PDE7B: variants seen among roughly 807,000 people sequenced by gnomAD.
The protein encoded by PDE7B is phosphodiesterase 7B.
In PDE7B, 29 loss-of-function variants were observed where a neutral mutation model predicts 56.2. The ratio of observed to expected loss-of-function variants is 0.52; its 90% confidence interval spans 0.38 to 0.70. The LOEUF (loss-of-function observed/expected upper bound fraction) is 0.70. Among genes scored for constraint, PDE7B ranks in the 30% least tolerant of loss-of-function variants. PDE7B has a pLI of 0.00. For synonymous variants in PDE7B, 197 were observed against 196.9 expected (o/e 1.00, Z 0.00); for missense variants, 490 against 565.0 (o/e 0.87, Z 1.35).
At chr6:136,018,299 C>A (rs1159868856) in intron 2 of PDE7B, among the ~76,000 whole-genome samples, 1 of 152,184 alleles carries the variant, frequency 6.6e-6, no homozygotes, top group Non-Finnish European at 1.5e-5. Context: ...CATCTTTGGG[C>A]AGCCCATAAA....
At chr6:136,163,931 T>C (rs747926910) in intron 8 of PDE7B, among the ~76,000 whole-genome samples, 2 of 152,224 alleles carry the variant, frequency 1.3e-5, no homozygotes, top group African/African-American at 4.8e-5. Context: ...AACAAGTCTC[T>C]AGGAAGTTCC....
At chr6:136,154,479 A>G (rs1200654094) in intron 7 of PDE7B, among the ~76,000 whole-genome samples, 1 of 151,920 alleles carries the variant, frequency 6.6e-6, no homozygotes, top group African/African-American at 2.4e-5. Context: ...TCAACAGTCC[A>G]TAGAACTAGC....
chr6:135,929,723 G>A (rs1422840558), intron 1 of PDE7B, among the ~76,000 whole-genome samples: 3 of 152,144 alleles, frequency 2.0e-5, no homozygotes, highest in Non-Finnish European at 2.9e-5. Flanking sequence ...TTCCATCTGT[G>A]TGATTGATGC....
chr6:136,072,924 C>T (rs1483501218), intron 2 of PDE7B: 1 of 152,184 alleles, frequency 6.6e-6, no homozygotes, highest in Non-Finnish European at 1.5e-5. Context: ...TAAAGCTAGC[C>T]ATGTGGTTTT....
At chr6:136,159,664 T>C (rs1254884071) in intron 8 of PDE7B, among the ~76,000 whole-genome samples, 2 of 152,168 alleles carry the variant, frequency 1.3e-5, no homozygotes, top group Admixed American at 6.5e-5. Flanking sequence ...TCTCCTAAAG[T>C]CTTGCACCTT....
intron 2 of PDE7B, among the ~76,000 whole-genome samples, chr6:136,085,979 C>T (rs1269239199): frequency 6.6e-6 from 1 of 152,138 alleles, no homozygotes; most frequent in Non-Finnish European, 1.5e-5. Flanking sequence ...AATGTTTGCC[C>T]ATCATACTCT....
chr6:135,918,017 C>T (rs555470317), intron 1 of PDE7B, among the ~76,000 whole-genome samples: 16 of 152,282 alleles, frequency 1.1e-4, no homozygotes, highest in Non-Finnish European at 2.1e-4. Context: ...TGTAGTTTTT[C>T]CCTGGACATG....
At chr6:136,063,299 G>A (rs1000125200) in intron 2 of PDE7B, among the ~76,000 whole-genome samples, 1 of 152,220 alleles carries the variant, frequency 6.6e-6, no homozygotes, top group African/African-American at 2.4e-5. Context: ...CTCTGGCTCA[G>A]TGGCTGATAA....
chr6:136,022,198 T>G (rs1197758195), intron 2 of PDE7B, among the ~76,000 whole-genome samples: 1 of 152,228 alleles, frequency 6.6e-6, no homozygotes, highest in Non-Finnish European at 1.5e-5. Flanking sequence ...TAAATTAGTT[T>G]CTTAGCCACT....
At chr6:135,962,882 T>G (rs1437266139) in intron 2 of PDE7B, among the ~76,000 whole-genome samples, 1 of 152,152 alleles carries the variant, frequency 6.6e-6, no homozygotes, top group Non-Finnish European at 1.5e-5. Context: ...GTATCATAGA[T>G]CAACATGCCA....
At chr6:136,126,616 T>C (rs1778026807) in intron 3 of PDE7B, among the ~76,000 whole-genome samples, 1 of 152,210 alleles carries the variant, frequency 6.6e-6, no homozygotes, top group Non-Finnish European at 1.5e-5. Context: ...GGAATACCAC[T>C]CAGCCATAAA....
chr6:136,148,171 T>A, intron 4 of PDE7B, among the ~76,000 whole-genome samples: 1 of 152,068 alleles, frequency 6.6e-6, no homozygotes, highest in South Asian at 2.1e-4. Flanking sequence ...TAAGTGATAT[T>A]ATACTATTTA....
At chr6:136,125,363 C>A (rs1583894319) in intron 3 of PDE7B, among the ~76,000 whole-genome samples, 1 of 151,950 alleles carries the variant, frequency 6.6e-6, no homozygotes, top group South Asian at 2.1e-4. Context: ...CGCTTGAGGG[C>A]AGGAGTTTGA....
chr6:136,096,774 T>C lies in PDE7B; in HGVS notation c.83-11957T>C, dbSNP rs538557289. Among the ~76,000 whole-genome samples the C allele has an allele frequency of 2.0e-5, 3 of 152,290 alleles. No homozygotes were observed. In the South Asian group the frequency reaches 6.2e-4, roughly 32 times the overall value. On this transcript the variant is annotated intron_variant, in intron 2 of 12. Transcript: ENST00000308191. ...AAGTGCTGCTTTTTGAAATTTTACT[T>C]ATCATTCAAGATCCATTTAAGTATC...
chr6:136,118,919 A>G (rs1009972961), intron 3 of PDE7B, among the ~76,000 whole-genome samples: 7 of 152,104 alleles, frequency 4.6e-5, no homozygotes, highest in Admixed American at 3.9e-4. Context: ...TTTCTACTGT[A>G]TTTTCTAATA....
At chr6:136,026,950 G>T (rs1314651948) in intron 2 of PDE7B, among the ~76,000 whole-genome samples, 1 of 152,170 alleles carries the variant, frequency 6.6e-6, no homozygotes, top group Non-Finnish European at 1.5e-5. Context: ...TTTGGAGGTG[G>T]GACCTATGGG....
intron 2 of PDE7B, among the ~76,000 whole-genome samples, chr6:135,982,516 A>G (rs1562459972): frequency 6.6e-6 from 1 of 152,130 alleles, no homozygotes; most frequent in African/African-American, 2.4e-5. Flanking sequence ...ACTGCTAAGG[A>G]AGGGGCAGTC....
chr6:135,933,928 G>C (rs528603034), intron 1 of PDE7B, among the ~76,000 whole-genome samples: 1 of 152,068 alleles, frequency 6.6e-6, no homozygotes, highest in African/African-American at 2.4e-5. Flanking sequence ...TATGCCCCTG[G>C]TCAGTCTTTA....
chr6:136,105,144 G>GT (rs1562494137), intron 2 of PDE7B, among the ~76,000 whole-genome samples: 2 of 152,140 alleles, frequency 1.3e-5, no homozygotes, highest in African/African-American at 4.8e-5. Flanking sequence ...ACAGGATTTG[G>GT]TTGTCTTGCT....
Sources: gnomAD v4.1 joint callset for allele counts (sites outside exome capture counted in the v4.1 genomes callset) on GRCh38, gnomAD v4.1.1 for gene constraint, MANE v1.5 for transcripts, NCBI Gene and HGNC (gene_info 2026-07-23, HGNC 2026-07-21) for gene names.